Variants in LRRC7 observed in about 807,000 individuals in gnomAD.
LRRC7 encodes the protein leucine-rich repeat-containing protein 7.
In LRRC7, 23 loss-of-function variants were observed where a neutral mutation model predicts 175.7. The observed-to-expected ratio is 0.13, with a 90% CI of 0.09 to 0.19. The LOEUF is 0.19. LRRC7 is among the 10% of genes least tolerant of loss of function. The pLI is 1.00. For missense variants in LRRC7, 1,354 were observed against 1,904.7 expected (o/e 0.71, Z 5.38); for synonymous variants, 685 against 680.9 (o/e 1.01, Z -0.09).
At chr1:69,848,172 A>T (rs997355974) in intron 7 of LRRC7, among the ~76,000 whole-genome samples, 3 of 152,124 alleles carry the variant, frequency 2.0e-5, no homozygotes, top group African/African-American at 7.2e-5. Context: ...CAAAGTTTCC[A>T]TGGGAATTTG....
intron 11 of LRRC7, among the ~76,000 whole-genome samples, chr1:70,003,336 T>G (rs1414701856): frequency 6.6e-6 from 1 of 152,154 alleles, no homozygotes; most frequent in East Asian, 1.9e-4. Flanking sequence ...GAGGGAAACA[T>G]TCAGTCCATA....
chr1:69,919,747 A>G, intron 7 of LRRC7: 2 of 985,672 alleles, frequency 2.0e-6, no homozygotes, highest in South Asian at 1.4e-5. Flanking sequence ...TGCAGAAGCC[A>G]TTTGAAGACC....
chr1:70,087,354 T>C (rs1174100693), intron 24 of LRRC7, among the ~76,000 whole-genome samples: 1 of 152,210 alleles, frequency 6.6e-6, no homozygotes, highest in African/African-American at 2.4e-5. Flanking sequence ...CTGCATATTA[T>C]GTTGTGGCAA....
intron 10 of LRRC7, among the ~76,000 whole-genome samples, chr1:69,989,989 G>T (rs984321031): frequency 7.2e-5 from 11 of 152,054 alleles, no homozygotes; most frequent in African/African-American, 2.7e-4. Context: ...AGTACTGAAG[G>T]TTAATTACAG....
At chr1:69,608,929 T>G (rs902240165) in intron 1 of LRRC7, among the ~76,000 whole-genome samples, 1 of 145,592 alleles carries the variant, frequency 6.9e-6, no homozygotes, top group African/African-American at 2.5e-5. Context: ...TATAAAATTA[T>G]ATATATATAA....
At chr1:69,858,095 T>C (rs1683915284) in intron 7 of LRRC7, among the ~76,000 whole-genome samples, 1 of 152,162 alleles carries the variant, frequency 6.6e-6, no homozygotes, top group Admixed American at 6.5e-5. Flanking sequence ...CCTTACACCT[T>C]ATACAAAAAT....
chr1:69,744,917 A>G (rs11804025), intron 2 of LRRC7, among the ~76,000 whole-genome samples: 5,484 of 152,036 alleles, frequency 0.036, 308 homozygotes, highest in African/African-American at 0.12. Flanking sequence ...TTAGTCTTCA[A>G]CATGTAAAGA....
intron 7 of LRRC7, among the ~76,000 whole-genome samples, chr1:69,865,688 G>A (rs183973848): frequency 2.4e-4 from 36 of 151,826 alleles, no homozygotes; most frequent in African/African-American, 7.5e-4. Context: ...CACCGCATTA[G>A]CCAGGATAGT....
chr1:70,071,112 G>A (rs1244268226), intron 23 of LRRC7, among the ~76,000 whole-genome samples: 1 of 152,172 alleles, frequency 6.6e-6, no homozygotes, highest in Non-Finnish European at 1.5e-5. Flanking sequence ...TAGTGGAGGA[G>A]TTATTGTCTA....
At chr1:69,928,475 T>C (rs1163288142) in intron 7 of LRRC7, among the ~76,000 whole-genome samples, 3 of 152,250 alleles carry the variant, frequency 2.0e-5, no homozygotes, top group Non-Finnish European at 2.9e-5. Flanking sequence ...TTGAGCTTCA[T>C]GGCTGCTTTG....
intron 23 of LRRC7, among the ~76,000 whole-genome samples, chr1:70,071,558 G>A (rs977065049): frequency 3.3e-5 from 5 of 152,012 alleles, no homozygotes; most frequent in African/African-American, 1.2e-4. Context: ...TGTTGTTATT[G>A]TTGTTTTATA....
chr1:69,801,207 T>C (rs538191551), intron 4 of LRRC7, among the ~76,000 whole-genome samples: 1 of 151,864 alleles, frequency 6.6e-6, no homozygotes, highest in Non-Finnish European at 1.5e-5. Flanking sequence ...CTGGCTTTGG[T>C]ATCAGGATAA....
Position 70,136,661 on chromosome 1 carries a change from TCTC to T in LRRC7, c.*14775_*14777del, listed in dbSNP as rs1266146571. Among the ~76,000 whole-genome samples, 5 of 151,834 alleles carry T rather than the reference TCTC, an allele frequency of 3.3e-5. No homozygotes were observed. Among genetic ancestry groups the T allele is most frequent in the African/African-American group, 9.7e-5 (4 of 41,334 alleles). On this transcript the variant is annotated 3_prime_UTR_variant, in exon 27 of 27. Coordinates refer to ENST00000651989, the MANE Select transcript of LRRC7 (RefSeq NM_001370785.2). ...AGGAAAGAACACTGTATTGTCACCTTCTCTCACAGTTTAATAAAATGGCAAATG... is the reference window on the plus strand; with the variant it reads ...AGGAAAGAACACTGTATTGTCACCTTTCACAGTTTAATAAAATGGCAAATG...
intron 8 of LRRC7, among the ~76,000 whole-genome samples, chr1:69,940,730 G>C (rs1285028540): frequency 6.6e-6 from 1 of 151,978 alleles, no homozygotes; most frequent in Non-Finnish European, 1.5e-5. Flanking sequence ...AAACATACTT[G>C]AGTTATGAAT....
chr1:69,971,872 T>C (rs1344014777), intron 8 of LRRC7, among the ~76,000 whole-genome samples: 3 of 152,118 alleles, frequency 2.0e-5, no homozygotes, highest in Admixed American at 2.0e-4. Flanking sequence ...TTTCAAACTA[T>C]ACTATAAGGC....
At chr1:69,929,028 G>C (rs562601124) in intron 7 of LRRC7, among the ~76,000 whole-genome samples, 13 of 152,280 alleles carry the variant, frequency 8.5e-5, no homozygotes, top group Middle Eastern at 6.8e-3. Flanking sequence ...TATGTCCCTA[G>C]TCACTTTTCA....
intron 8 of LRRC7, among the ~76,000 whole-genome samples, chr1:69,969,928 A>G (rs1255764673): frequency 3.3e-5 from 5 of 152,208 alleles, no homozygotes; most frequent in Non-Finnish European, 5.9e-5. Flanking sequence ...TATATCAAGC[A>G]GTCTCTCAGA....
Position 69,925,347 on chromosome 1 carries a change from A to G in LRRC7, c.648-6160A>G, listed in dbSNP as rs543288862. Reference sequence around the variant, plus strand: ...GTTAGGGAGGATTCCTTCTTTTTCTATTGATTGGAATAGTTTCAGAAGGAA... The same window carrying G: ...GTTAGGGAGGATTCCTTCTTTTTCTGTTGATTGGAATAGTTTCAGAAGGAA... On this transcript the variant is annotated intron_variant, in intron 7 of 26. Transcript: ENST00000651989. 3.3e-3 allele frequency among the ~76,000 whole-genome samples: 501 copies of G among 151,960 alleles called. 2 individuals carry two copies. Among genetic ancestry groups the G allele is most frequent in the African/African-American group, 0.011 (448 of 41,446 alleles).
chr1:69,729,343 C>T (rs567150775), intron 2 of LRRC7, among the ~76,000 whole-genome samples: 76 of 152,192 alleles, frequency 5.0e-4, no homozygotes, highest in African/African-American at 1.8e-3. Context: ...AGTCCAAAGT[C>T]TAATCTGAGA....
Sources: gnomAD v4.1 joint callset for allele counts (sites outside exome capture counted in the v4.1 genomes callset) on GRCh38, gnomAD v4.1.1 for gene constraint, MANE v1.5 for transcripts, NCBI Gene and HGNC (gene_info 2026-07-23, HGNC 2026-07-21) for gene names.